GTF3C5: variants seen among roughly 807,000 people sequenced by gnomAD.
GTF3C5 encodes general transcription factor IIIC subunit 5.
A neutral mutation model predicts 61.0 loss-of-function variants in GTF3C5; 47 were observed. The observed-to-expected ratio is 0.77, with a 90% confidence interval of 0.61 to 0.98. GTF3C5 has a LOEUF of 0.98. Ranked by LOEUF, GTF3C5 falls within the 50% of genes least tolerant of loss-of-function variation. The pLI is 0.00. For synonymous variants in GTF3C5, 295 were observed against 275.4 expected, an observed-to-expected ratio of 1.07 and a Z score of -0.71; for missense variants, 659 against 703.3, an observed-to-expected ratio of 0.94 and a Z score of 0.71.
intron 3 of GTF3C5, 71 bp from the exon 4 acceptor site, chr9:133,050,712 C>G: frequency 1.7e-6 from 2 of 1,146,734 alleles, no homozygotes; most frequent in Non-Finnish European, 2.6e-6. Flanking sequence ...GGGCTCCCTG[C>G]CTGGTCTGGC....
At chr9:133,052,245 A>C (rs1455468978) in intron 5 of GTF3C5, 81 bp downstream of exon 5, 3 of 737,408 alleles carry the variant, frequency 4.1e-6, no homozygotes, top group Non-Finnish European at 7.1e-6. Context: ...TTAGAGCCAC[A>C]GTAAGAGCAG....
chr9:133,055,281 C>T, intron 8 of GTF3C5: 2 of 1,422,936 alleles, frequency 1.4e-6, no homozygotes, highest in Non-Finnish European at 1.9e-6. Flanking sequence ...ATTCAGGCTC[C>T]CGCAAGCCGC....
Position 133,056,893 on chromosome 9 carries a change from C to A in GTF3C5, c.1378C>A (p.Arg460Ser), listed in dbSNP as rs201440334. 14 of 1,603,450 alleles carry A rather than the reference C, an allele frequency of 8.7e-6. No homozygotes were observed. The highest frequency in any genetic ancestry group is 3.4e-5 in the South Asian group (3 of 89,530). ...GTCCCTCATGATCCGGCAGACCATC[C>A]GCTCCAAGAGGCCTGGTAAGAGCCG... Reference protein sequence around the residue: ...TMSLMIRQTIRSKRPALFSSS... With the variant: ...TMSLMIRQTISSKRPALFSSS... Residue 460 changes from arginine to serine, a missense_variant, in exon 10 of 11, where the codon CGC becomes AGC. Coordinates refer to ENST00000372097, the MANE Select transcript of GTF3C5 (RefSeq NM_012087.4).
intron 3 of GTF3C5, chr9:133,044,146 C>CAAAAAAAAAAAAAAAAAAAA: frequency 9.6e-6 from 1 of 104,146 alleles, no homozygotes; most frequent in Non-Finnish European, 1.7e-5. Flanking sequence ...CTTTGTCTCC[C>CAAAAAAAAAAAAAAAAAAAA]AAAAAAAAAA....
At chr9:133,039,901 G>A (rs1468088499) in intron 1 of GTF3C5, among the ~76,000 whole-genome samples, 1 of 152,190 alleles carries the variant, frequency 6.6e-6, no homozygotes, top group African/African-American at 2.4e-5. Flanking sequence ...AAGGGGATTT[G>A]AACTCATGCT....
At chr9:133,053,036 C>T (rs1444832113) in intron 5 of GTF3C5, among the ~76,000 whole-genome samples, 6 of 152,010 alleles carry the variant, frequency 3.9e-5, no homozygotes, top group African/African-American at 7.2e-5. Flanking sequence ...GATGGGGTTT[C>T]GCCATGTTGG....
chr9:133,046,937 A>G (rs542563289), intron 3 of GTF3C5, among the ~76,000 whole-genome samples: 55 of 152,134 alleles, frequency 3.6e-4, no homozygotes, highest in Non-Finnish European at 1.2e-4. Context: ...ACCAGTGCCT[A>G]GGCTTCATCC....
Position 133,054,487 on chromosome 9 carries a change from A to C in GTF3C5, c.1068A>C (p.Thr356=). Residue 356 remains threonine, a splice_region_variant and synonymous_variant, in exon 7 of 11, where the codon ACA becomes ACC. Coordinates refer to ENST00000372097, the MANE Select transcript of GTF3C5 (RefSeq NM_012087.4). The stretch of plus-strand genomic sequence containing the variant: ...GCCTCCCCATCACCGTCAAGAAGAC[A>C]TGTAAGCGTGCCAGGCGCCTTTTGT... ...NYSLPITVKK[T]SSQLVTMHDL... 6.2e-7 allele frequency: 1 copy of C among 1,613,870 alleles called. No homozygotes were observed. Among genetic ancestry groups the C allele is most frequent in the Non-Finnish European group, 8.5e-7 (1 of 1,179,754 alleles).
intron 1 of GTF3C5, among the ~76,000 whole-genome samples, chr9:133,036,198 C>T (rs1849855402): frequency 6.6e-6 from 1 of 152,166 alleles, no homozygotes; most frequent in Non-Finnish European, 1.5e-5. Flanking sequence ...AACACTCATG[C>T]TCAGGTCCTT....
At chr9:133,041,642 C>T (rs982904750) in intron 1 of GTF3C5, among the ~76,000 whole-genome samples, 1 of 152,136 alleles carries the variant, frequency 6.6e-6, no homozygotes, top group African/African-American at 2.4e-5. Context: ...CCGGTCCCCG[C>T]ATTTTGGTGG....
In GTF3C5 at chr9:133,058,060, C is replaced by T; in HGVS notation, c.*80C>T. Reference sequence around the variant, plus strand: ...AGGGAGCCGGGGCTCCCCATTGCCACCCACAGTGCCCGGAATGGCCCTAGG... The same window carrying T: ...AGGGAGCCGGGGCTCCCCATTGCCATCCACAGTGCCCGGAATGGCCCTAGG... On this transcript the variant is annotated 3_prime_UTR_variant, in exon 11 of 11. Transcript: ENST00000372097. The T allele has an allele frequency of 6.3e-7, 1 of 1,587,732 alleles. No individual in the cohort carries two copies. The highest frequency in any genetic ancestry group is 8.6e-7 in the Non-Finnish European group (1 of 1,168,982).
Position 133,054,891 on chromosome 9 carries a change from T to A in GTF3C5, c.1167+82T>A, listed in dbSNP as rs1829882662. On this transcript the variant is annotated intron_variant, in intron 8 of 10. Transcript: ENST00000372097. ...ACCTTGTGGGTGACACCTGGGGGGC[T>A]GTGATTAGGGCAGCTCTGCCCACCG... 5.9e-6 allele frequency: 9 copies of A among 1,537,024 alleles called. No homozygotes were observed. The East Asian group carries it at 2.2e-4, about 38-fold the overall frequency.
intron 3 of GTF3C5, 86 bp from the exon 4 acceptor site, chr9:133,050,697 G>T: frequency 2.1e-6 from 2 of 971,212 alleles, no homozygotes; most frequent in Admixed American, 2.3e-5. Context: ...GCCTTGGGGG[G>T]TTCTGGGCTC....
upstream of GTF3C5, chr9:133,030,874 G>A: frequency 9.9e-7 from 1 of 1,010,280 alleles, no homozygotes; most frequent in African/African-American, 1.6e-5. Context: ...AGGCCCTCGC[G>A]TCTTGCTGAG....
At chr9:133,051,730 G>A (rs1850384132) in intron 4 of GTF3C5, among the ~76,000 whole-genome samples, 1 of 152,204 alleles carries the variant, frequency 6.6e-6, no homozygotes, top group South Asian at 2.1e-4. Flanking sequence ...GGCAGCATGG[G>A]GACCCTGGGA....
chr9:133,058,262 A>C lies in GTF3C5; in HGVS notation c.*282A>C. 1 of 773,184 alleles carries C rather than the reference A, an allele frequency of 1.3e-6. No homozygotes were observed. The highest frequency in any genetic ancestry group is 1.7e-6 in the Non-Finnish European group (1 of 576,598). 47.9% of individuals were successfully genotyped at this position (773,184 alleles called of 1,614,324 possible). On this transcript the variant is annotated 3_prime_UTR_variant, in exon 11 of 11. Transcript: ENST00000372097. ...GCATCCAGCCAGTGAGTGGGCACCC[A>C]ATGCCTCTCAGGATGAGACCAGTAA... is the stretch of plus-strand genomic sequence containing the variant.
intron 3 of GTF3C5, among the ~76,000 whole-genome samples, chr9:133,045,338 C>T (rs1850170964): frequency 6.6e-6 from 1 of 152,228 alleles, no homozygotes; most frequent in Non-Finnish European, 1.5e-5. Flanking sequence ...GCCGGCAGCA[C>T]CGCCCTGGTC....
chr9:133,042,487 G>A (rs955876908), intron 2 of GTF3C5, among the ~76,000 whole-genome samples, 181 bp downstream of exon 2: 8 of 152,364 alleles, frequency 5.3e-5, no homozygotes, highest in Admixed American at 3.9e-4. Flanking sequence ...CCAGCCAACA[G>A]TTCCCCAGAG....
At chr9:133,053,660 A>G (rs1346958909) in intron 5 of GTF3C5, among the ~76,000 whole-genome samples, 168 bp from the exon 6 acceptor site, 10 of 152,222 alleles carry the variant, frequency 6.6e-5, no homozygotes, top group Non-Finnish European at 1.5e-4. Flanking sequence ...TGGAAAGGCC[A>G]CGTGCCCTCA....
Sources: allele counts gnomAD v4.1 joint callset (sites outside exome capture counted in the v4.1 genomes callset), GRCh38; gene constraint gnomAD v4.1.1; transcripts MANE v1.5; gene names NCBI Gene and HGNC (gene_info 2026-07-23, HGNC 2026-07-21).